RRM2: variants seen among roughly 807,000 people sequenced by gnomAD.
RRM2 encodes ribonucleoside-diphosphate reductase subunit M2.
In RRM2, 6 loss-of-function variants were observed where a neutral mutation model predicts 45.9. The observed-to-expected ratio is 0.13, with a 90% confidence interval of 0.07 to 0.26. The LOEUF is 0.26. Among genes scored for constraint, RRM2 ranks in the 10% least tolerant of loss-of-function variants. The pLI, the probability that RRM2 is intolerant of heterozygous loss-of-function variation, is 1.00. For missense variants in RRM2, 343 were observed against 489.5 expected, an observed-to-expected ratio of 0.70 and a Z score of 2.82; for synonymous variants, 177 against 173.0, an observed-to-expected ratio of 1.02 and a Z score of -0.18.
At chr2:10,159,812 G>A (rs1033917309) in intron 3 of RRM2, among the ~76,000 whole-genome samples, 25 of 152,288 alleles carry the variant, frequency 1.6e-4, no homozygotes, top group African/African-American at 5.5e-4. Flanking sequence ...CAGAAACGCT[G>A]GCTTGAAGGA....
intron 3 of RRM2, among the ~76,000 whole-genome samples, chr2:10,148,757 ATCT>A (rs1663244718): frequency 6.6e-6 from 1 of 152,072 alleles, no homozygotes; most frequent in South Asian, 2.1e-4. Flanking sequence ...TTGTAGATTT[ATCT>A]TCTTTTACTT....
At chr2:10,163,051 A>ATG (rs770292752) in intron 3 of RRM2, among the ~76,000 whole-genome samples, 4 of 152,176 alleles carry the variant, frequency 2.6e-5, no homozygotes, top group African/African-American at 9.7e-5. Flanking sequence ...GCAGGTAATT[A>ATG]TGTGTGTGCT....
chr2:10,148,342 A>G (rs1377732674), intron 3 of RRM2, among the ~76,000 whole-genome samples: 5 of 151,618 alleles, frequency 3.3e-5, no homozygotes, highest in African/African-American at 9.7e-5. Flanking sequence ...AAGTTTTCCT[A>G]TTTTTCTCTT....
rs1663820813 is a variant in RRM2 at position 10,172,280 on chromosome 2, G to C, written n.482+29905G>C. Among the ~76,000 whole-genome samples, 1 of 152,108 alleles carries C rather than the reference G, an allele frequency of 6.6e-6. No homozygotes were observed. The highest frequency in any genetic ancestry group is 2.1e-4 in the South Asian group (1 of 4,828). On this transcript the variant is annotated intron_variant and non_coding_transcript_variant, in intron 3 of 3. Coordinates refer to the RRM2 transcript ENST00000381786. The surrounding 1 kb of genome is among the most constrained non-coding windows in gnomAD (Gnocchi z 4.9). ...GGGGAGGTCGGATGAGATGAAGGAG[G>C]CTGGGGCTGGCACCGTGGTGGTCCC... is the stretch of plus-strand genomic sequence containing the variant.
At chr2:10,206,627 A>G (rs1277578574) in intron 3 of RRM2, among the ~76,000 whole-genome samples, 1 of 152,242 alleles carries the variant, frequency 6.6e-6, no homozygotes, top group Non-Finnish European at 1.5e-5. Flanking sequence ...GACATGTGAT[A>G]GTCAAAGGCA....
intron 3 of RRM2, among the ~76,000 whole-genome samples, chr2:10,159,331 TCTCGCC>T (rs1397471544): frequency 2.0e-5 from 3 of 152,194 alleles, no homozygotes; most frequent in African/African-American, 7.2e-5. Context: ...CCTGACTGGT[TCTCGCC>T]CTCAGCCTGG....
intron 3 of RRM2, among the ~76,000 whole-genome samples, chr2:10,198,263 GACTA>G (rs1260508290): frequency 2.6e-5 from 4 of 152,170 alleles, no homozygotes; most frequent in Admixed American, 6.5e-5. Context: ...TCCAGAAGTG[GACTA>G]ACTAACATCT....
At chr2:10,183,674 T>G (rs930750292) in intron 3 of RRM2, among the ~76,000 whole-genome samples, 5 of 150,748 alleles carry the variant, frequency 3.3e-5, no homozygotes, top group African/African-American at 1.2e-4. Context: ...AAATGGCAAA[T>G]CCCTGTCTCT....
At chr2:10,144,188 A>G (rs729917) in intron 3 of RRM2, among the ~76,000 whole-genome samples, 113,890 of 152,106 alleles carry the variant, frequency 0.75, 43,936 homozygotes, top group African/African-American at 0.91. Flanking sequence ...GGGGACCCCA[A>G]CTCTGGGCCG....
At chr2:10,168,267 C>G (rs72786698) in intron 3 of RRM2, among the ~76,000 whole-genome samples, 8 of 152,044 alleles carry the variant, frequency 5.3e-5, no homozygotes, top group South Asian at 2.1e-4. Flanking sequence ...TCCTTCCCCC[C>G]ACCCCTGACA....
At chr2:10,178,481 C>G (rs1366285417) in intron 3 of RRM2, among the ~76,000 whole-genome samples, 2 of 96,356 alleles carry the variant, frequency 2.1e-5, no homozygotes, top group African/African-American at 7.3e-5. Flanking sequence ...TCTCGGCCTC[C>G]CAAAGTGCTG....
At chr2:10,168,036 GTTT>G (rs746974999) in intron 3 of RRM2, among the ~76,000 whole-genome samples, 10 of 134,422 alleles carry the variant, frequency 7.4e-5, no homozygotes, top group Admixed American at 7.4e-5. Context: ...AGGCTTTTCT[GTTT>G]TTTTTTTTTT....
chr2:10,167,276 C>G (rs1434921341), intron 3 of RRM2, among the ~76,000 whole-genome samples: 3 of 152,196 alleles, frequency 2.0e-5, no homozygotes, highest in Non-Finnish European at 4.4e-5. Flanking sequence ...GAATGATGAG[C>G]CAGTGAAGGG....
chr2:10,200,485 C>CTGGCTTCACA (rs1664534019), intron 3 of RRM2, among the ~76,000 whole-genome samples: 1 of 55,894 alleles, frequency 1.8e-5, no homozygotes, highest in African/African-American at 6.3e-5. Flanking sequence ...ATGAGGCCCA[C>CTGGCTTCACA]AGGCACCGCG....
intron 3 of RRM2, among the ~76,000 whole-genome samples, chr2:10,165,017 A>G (rs1338671287): frequency 6.6e-6 from 1 of 152,176 alleles, no homozygotes; most frequent in Non-Finnish European, 1.5e-5. Context: ...TTTTGCCCGA[A>G]CACAGCTCAC....
At chr2:10,175,653 A>G (rs1663900210) in intron 3 of RRM2, among the ~76,000 whole-genome samples, 2 of 152,204 alleles carry the variant, frequency 1.3e-5, no homozygotes, top group Admixed American at 1.3e-4. Flanking sequence ...GCGGGAGTGC[A>G]GTGGCGCAAT....
At chr2:10,124,385 C>T (rs1413167628) in intron 4 of RRM2, among the ~76,000 whole-genome samples, 3 of 152,188 alleles carry the variant, frequency 2.0e-5, no homozygotes, top group East Asian at 1.9e-4. Context: ...GGATTACAGG[C>T]GTGAGCCACC....
chr2:10,146,983 A>C (rs919807209), intron 3 of RRM2, among the ~76,000 whole-genome samples: 3 of 151,520 alleles, frequency 2.0e-5, no homozygotes, highest in African/African-American at 7.3e-5. Context: ...TTTGAGATGG[A>C]GTCTCTGTTG....
At chr2:10,161,697 C>T (rs1357932772) in intron 3 of RRM2, among the ~76,000 whole-genome samples, 2 of 151,894 alleles carry the variant, frequency 1.3e-5, no homozygotes, top group African/African-American at 2.4e-5. Context: ...CACACACACA[C>T]ATTCACATGC....
Sources: gnomAD v4.1 joint callset for allele counts (sites outside exome capture counted in the v4.1 genomes callset) on GRCh38, gnomAD v4.1.1 for gene constraint, Gnocchi (gnomAD v3.1) non-coding constraint, MANE v1.5 for transcripts, NCBI Gene and HGNC (gene_info 2026-07-23, HGNC 2026-07-21) for gene names.